Variants in CYFIP2 observed in about 807,000 individuals in gnomAD.
CYFIP2 encodes cytoplasmic FMR1-interacting protein 2.
Under a neutral mutation model 158.7 loss-of-function variants are expected in CYFIP2, and 29 were observed. The observed-to-expected ratio is 0.18, with a 90% CI of 0.14 to 0.25. The LOEUF is 0.25. CYFIP2 is among the 10% of genes least tolerant of loss of function. The pLI is 1.00. For missense variants in CYFIP2, 852 were observed against 1,639.5 expected (o/e 0.52, Z 8.29); for synonymous variants, 585 against 617.6 (o/e 0.95, Z 0.78).
At chr5:157,286,341 T>C (rs1386414650) in intron 2 of CYFIP2, among the ~76,000 whole-genome samples, 1 of 150,454 alleles carries the variant, frequency 6.6e-6, no homozygotes, top group Non-Finnish European at 1.5e-5. Flanking sequence ...AATATACATA[T>C]ATATGTGTGT....
intron 23 of CYFIP2, among the ~76,000 whole-genome samples, chr5:157,351,151 C>G (rs1763041697): frequency 6.6e-6 from 1 of 152,070 alleles, no homozygotes; most frequent in African/African-American, 2.4e-5. Context: ...AATTCCCCCA[C>G]TTTAAAAATG....
chr5:157,346,078 A>G (rs575869764), intron 23 of CYFIP2, among the ~76,000 whole-genome samples: 2 of 149,480 alleles, frequency 1.3e-5, no homozygotes, highest in African/African-American at 5.0e-5. Context: ...ATCTTTCTTT[A>G]TTCTTGACTC....
At chr5:157,377,134 T>TTGCTC (rs2113477837) in intron 26 of CYFIP2, among the ~76,000 whole-genome samples, 1 of 151,600 alleles carries the variant, frequency 6.6e-6, no homozygotes, top group South Asian at 2.1e-4. Flanking sequence ...AACACCCCCT[T>TTGCTC]TGCTCTCCCC....
intron 26 of CYFIP2, among the ~76,000 whole-genome samples, chr5:157,374,761 G>C (rs1012955738): frequency 2.6e-5 from 4 of 152,194 alleles, no homozygotes; most frequent in Non-Finnish European, 2.9e-5. Flanking sequence ...GGGGAAAGGA[G>C]GACTGTGGGT....
chr5:157,363,449 T>G (rs1208666473), intron 26 of CYFIP2: 1 of 152,256 alleles, frequency 6.6e-6, no homozygotes, highest in Non-Finnish European at 1.5e-5. Context: ...AATCAGAGTG[T>G]GGTTGCAGAT....
At chr5:157,320,375 C>T (rs1004862964) in intron 14 of CYFIP2, among the ~76,000 whole-genome samples, 3 of 152,238 alleles carry the variant, frequency 2.0e-5, no homozygotes, top group Non-Finnish European at 4.4e-5. Flanking sequence ...TTGCCTCACA[C>T]AAGTTCTGTC....
At chr5:157,300,255 A>G (rs540676098) in intron 5 of CYFIP2, among the ~76,000 whole-genome samples, 18 of 152,286 alleles carry the variant, frequency 1.2e-4, no homozygotes, top group African/African-American at 4.3e-4. Flanking sequence ...GCTTCGGGCC[A>G]GGTATGGTGG....
Position 157,389,005 on chromosome 5 carries a change from T to G in CYFIP2, c.3208-184T>G, listed in dbSNP as rs149539321. 2.8e-3 allele frequency among the ~76,000 whole-genome samples: 426 copies of G among 152,344 alleles called. 2 individuals are homozygous for G. The highest frequency in any genetic ancestry group is 1.0e-2 in the African/African-American group (415 of 41,572). On this transcript the variant is annotated intron_variant, in intron 28 of 30. Transcript: ENST00000620254. The stretch of plus-strand genomic sequence containing the variant: ...GGATTTTACTTAACACCAGTAAGAC[T>G]TACCATGAAACTTCCCTGCTGTTGC...
intron 3 of CYFIP2, among the ~76,000 whole-genome samples, chr5:157,293,978 G>T (rs1292322040): frequency 2.0e-5 from 3 of 152,184 alleles, no homozygotes; most frequent in Admixed American, 6.5e-5. Flanking sequence ...AGTCCCAAAA[G>T]TCCAGGTGGA....
At chr5:157,308,344 C>G (rs1212083894) in intron 9 of CYFIP2, among the ~76,000 whole-genome samples, 1 of 152,176 alleles carries the variant, frequency 6.6e-6, no homozygotes, top group Non-Finnish European at 1.5e-5. Flanking sequence ...GGGACCACCT[C>G]AGCTTGCCCT....
At chr5:157,274,797 C>G (rs895552121) in intron 1 of CYFIP2, among the ~76,000 whole-genome samples, 1 of 152,170 alleles carries the variant, frequency 6.6e-6, no homozygotes, top group African/African-American at 2.4e-5. Context: ...TTGCATTTCC[C>G]TAATAACTAA....
intron 26 of CYFIP2, among the ~76,000 whole-genome samples, chr5:157,369,046 G>A (rs1561773902): frequency 6.6e-6 from 1 of 151,928 alleles, no homozygotes; most frequent in Non-Finnish European, 1.5e-5. Flanking sequence ...TCACAAGCAT[G>A]TGCCGCTATG....
intron 21 of CYFIP2, among the ~76,000 whole-genome samples, chr5:157,336,307 C>T (rs1761854757): frequency 6.6e-6 from 1 of 152,276 alleles, no homozygotes; most frequent in South Asian, 2.1e-4. Context: ...GAACGGGCAG[C>T]CCGCAGGCTG....
rs1284665868 is a variant in CYFIP2, at chr5:157,266,423, C to T, written c.-24+228C>T. On this transcript the variant is annotated intron_variant, in intron 1 of 30. Coordinates refer to ENST00000620254, the MANE Select transcript of CYFIP2 (RefSeq NM_001037333.3). The surrounding 1 kb of genome is among the most constrained non-coding windows in gnomAD (Gnocchi z 4.2). The stretch of plus-strand genomic sequence containing the variant: ...GCACGGACCCTCTGCCCGGGAGGCG[C>T]GGGCACATCGCGGAGCTCCGGCGCG... 1 of 151,846 alleles carries T rather than the reference C, an allele frequency of 6.6e-6. No individual in the cohort carries two copies. The highest frequency in any genetic ancestry group is 1.5e-5 in the Non-Finnish European group (1 of 67,992). 9.4% of individuals were successfully genotyped at this position (151,846 alleles called of 1,614,324 possible). A position where few individuals can be genotyped will look rare whatever the true frequency, so the allele number is the denominator to read the frequency against.
intron 21 of CYFIP2, among the ~76,000 whole-genome samples, chr5:157,338,371 G>A (rs556036257): frequency 1.4e-4 from 21 of 152,352 alleles, no homozygotes; most frequent in Non-Finnish European, 2.6e-4. Context: ...TCCAAAGGAT[G>A]AGGCATTCTG....
intron 30 of CYFIP2, among the ~76,000 whole-genome samples, chr5:157,392,418 C>A (rs1436040482): frequency 6.6e-6 from 1 of 152,146 alleles, no homozygotes; most frequent in African/African-American, 2.4e-5. Context: ...ATAAGGTAAG[C>A]GTCCATTGTT....
rs764443575 is a variant in CYFIP2, at chr5:157,360,317, G to A, written c.2853G>A (p.Leu951=). The change falls in exon 25 of 31, where the codon CTG becomes CTA. Residue 951 remains leucine, a synonymous_variant. Coordinates refer to ENST00000620254, the MANE Select transcript of CYFIP2 (RefSeq NM_001037333.3). ...QGTILQYVKT[L]IEVMPKICRL... ...CCATTCTCCAGTATGTGAAAACACT[G>A]ATAGAGGTGATGCCCAAGATATGCC... 6.2e-7 allele frequency: 1 copy of A among 1,613,844 alleles called. No homozygotes were observed. The highest frequency in any genetic ancestry group is 8.5e-7 in the Non-Finnish European group (1 of 1,179,780).
chr5:157,323,691 G>A (rs1430486107), intron 15 of CYFIP2, among the ~76,000 whole-genome samples: 3 of 152,224 alleles, frequency 2.0e-5, no homozygotes, highest in African/African-American at 7.2e-5. Context: ...GCTACCTGGT[G>A]TGGCCAGGTC....
intron 1 of CYFIP2, among the ~76,000 whole-genome samples, chr5:157,270,245 C>A (rs1755979296): frequency 6.6e-6 from 1 of 152,196 alleles, no homozygotes; most frequent in African/African-American, 2.4e-5. Context: ...AGGCTTTAAT[C>A]TCTAGGTAAA....
Sources: allele counts gnomAD v4.1 joint callset (sites outside exome capture counted in the v4.1 genomes callset), GRCh38; gene constraint gnomAD v4.1.1; non-coding constraint Gnocchi (gnomAD v3.1); transcripts MANE v1.5; gene names NCBI Gene and HGNC (gene_info 2026-07-23, HGNC 2026-07-21).